TIAM2: variants seen among roughly 807,000 people sequenced by gnomAD.
The protein encoded by TIAM2 is rho guanine nucleotide exchange factor TIAM2.
A neutral mutation model predicts 152.9 loss-of-function variants in TIAM2; 80 were observed. The observed-to-expected ratio is 0.52, with a 90% CI of 0.44 to 0.63. The LOEUF (loss-of-function observed/expected upper bound fraction) is 0.63. Among genes scored for constraint, TIAM2 ranks in the 30% least tolerant of loss-of-function variants. The pLI, the probability that TIAM2 is intolerant of heterozygous loss-of-function variation, is 0.00. For missense variants in TIAM2, 1,965 were observed against 2,120.1 expected, an observed-to-expected ratio of 0.93 and a Z score of 1.44; for synonymous variants, 804 against 838.0, an observed-to-expected ratio of 0.96 and a Z score of 0.70.
intron 2 of TIAM2, among the ~76,000 whole-genome samples, chr6:155,092,426 C>T (rs563438594): frequency 1.3e-5 from 2 of 152,136 alleles, no homozygotes; most frequent in East Asian, 3.9e-4. Context: ...TGATGCTTCA[C>T]TTTCTTCTTA....
intron 1 of TIAM2, among the ~76,000 whole-genome samples, chr6:155,023,235 T>C (rs1184727593): frequency 6.6e-6 from 1 of 152,142 alleles, no homozygotes. Context: ...GAATCTCTGC[T>C]CTAGAAGTTG....
intron 7 of TIAM2, among the ~76,000 whole-genome samples, chr6:155,152,993 C>G (rs544781478): frequency 6.6e-6 from 1 of 152,208 alleles, no homozygotes; most frequent in African/African-American, 2.4e-5. Flanking sequence ...TGAACATAAA[C>G]CCTTACATAA....
chr6:154,997,718 G>A lies in TIAM2; in HGVS notation c.-209+2226G>A, dbSNP rs1019452650. Among the ~76,000 whole-genome samples, 3 of 122,526 alleles carry A rather than the reference G, an allele frequency of 2.4e-5. No homozygotes were observed. The Admixed American group carries it at 3.3e-4, about 13-fold the overall frequency. The allele number at this position is 122,526 out of a possible 152,430, so 80.4% of individuals were successfully genotyped here. ...TGCAGTGATATGATCTCAGCTCACC[G>A]CAGCCTCAGCCTCCCCAGCTCAATT... On this transcript the variant is annotated intron_variant, in intron 1 of 26. Coordinates refer to ENST00000682666, the MANE Select transcript of TIAM2 (RefSeq NM_012454.4).
rs540524431 is a variant in TIAM2 at position 155,047,737 on chromosome 6, G to A, written c.-208-42552G>A. On this transcript the variant is annotated intron_variant, in intron 1 of 26. Coordinates refer to ENST00000682666, the MANE Select transcript of TIAM2 (RefSeq NM_012454.4). Reference sequence around the variant, plus strand: ...AGAGAGAGAGAGAGCGAGAGAGAGAGAGAGAGAGCGAGCGCACAGAAGACT... The same window carrying A: ...AGAGAGAGAGAGAGCGAGAGAGAGAAAGAGAGAGCGAGCGCACAGAAGACT... Among the ~76,000 whole-genome samples the A allele has an allele frequency of 4.6e-3, 565 of 122,136 alleles. 12 individuals are homozygous for A. Among genetic ancestry groups the A allele is most frequent in the African/African-American group, 0.016 (534 of 33,038 alleles). 80.1% of individuals were successfully genotyped at this position (122,136 alleles called of 152,430 possible). A position where few individuals can be genotyped will look rare whatever the true frequency, so the allele number is the denominator to read the frequency against.
At chr6:155,117,050 T>G (rs62427109) in intron 2 of TIAM2, among the ~76,000 whole-genome samples, 1 of 142,614 alleles carries the variant, frequency 7.0e-6, no homozygotes, top group Non-Finnish European at 1.5e-5. Flanking sequence ...ATTTGATATA[T>G]TTAAAAAAAA....
intron 1 of TIAM2, among the ~76,000 whole-genome samples, chr6:155,028,865 C>CAA (rs1776713359): frequency 6.0e-5 from 4 of 66,698 alleles, no homozygotes; most frequent in South Asian, 4.2e-4. Flanking sequence ...ACTGTATATA[C>CAA]TATCTATACT....
At chr6:155,245,181 C>T (rs1783248270) in intron 18 of TIAM2, among the ~76,000 whole-genome samples, 1 of 152,138 alleles carries the variant, frequency 6.6e-6, no homozygotes, top group Non-Finnish European at 1.5e-5. Context: ...GGGCTCAAGC[C>T]CTCTCTTCTA....
intron 2 of TIAM2, among the ~76,000 whole-genome samples, chr6:155,099,220 ATGTGTGTGTGTGTGTGTGTGTG>A (rs34269926): frequency 1.3e-5 from 2 of 148,186 alleles, no homozygotes; most frequent in Non-Finnish European, 3.0e-5. Flanking sequence ...GTATATATAT[ATGTGTGTGTGTGTGTGTGTGTG>A]TGTGTGTGTG....
intron 1 of TIAM2, among the ~76,000 whole-genome samples, chr6:155,077,374 T>A (rs572579804): frequency 6.6e-6 from 1 of 152,214 alleles, no homozygotes; most frequent in Admixed American, 6.5e-5. Flanking sequence ...AATATTACTA[T>A]AGATATTGAA....
chr6:155,114,427 A>G (rs1423558346), intron 2 of TIAM2, among the ~76,000 whole-genome samples: 1 of 152,080 alleles, frequency 6.6e-6, no homozygotes, highest in African/African-American at 2.4e-5. Context: ...AGCTTCAGGA[A>G]GATGCCCCTT....
At chr6:155,054,885 A>T (rs552483841) in intron 1 of TIAM2, among the ~76,000 whole-genome samples, 7 of 152,326 alleles carry the variant, frequency 4.6e-5, no homozygotes, top group Admixed American at 2.6e-4. Context: ...GAAGGCAGGG[A>T]TGCACAGCTT....
intron 1 of TIAM2, among the ~76,000 whole-genome samples, chr6:155,079,781 T>C (rs1311291367): frequency 1.3e-5 from 2 of 152,202 alleles, no homozygotes; most frequent in Non-Finnish European, 2.9e-5. Flanking sequence ...ATCCCATTTC[T>C]ATTAAAAATA....
chr6:155,178,847 T>G (rs1360403874), intron 10 of TIAM2, among the ~76,000 whole-genome samples, 192 bp from the exon 11 acceptor site: 2 of 152,190 alleles, frequency 1.3e-5, no homozygotes, highest in East Asian at 3.8e-4. Flanking sequence ...AGTGCTGGGA[T>G]TACAGGTGTG....
intron 1 of TIAM2, among the ~76,000 whole-genome samples, chr6:155,036,766 C>T (rs1776931939): frequency 6.6e-6 from 1 of 151,596 alleles, no homozygotes. Context: ...TACAGGCATA[C>T]ACCACCACGC....
rs1292806936 is a variant in TIAM2, at chr6:155,256,703, A to C, written c.4688A>C (p.Lys1563Thr). ...GLADFADNLI[K>T]ESDILSDEDD... ...GCAGATTTTGCCGACAATCTCATCA[A>C]AGAGAGTGACATCCTGAGCGATGAA... Residue 1563 changes from lysine (K) to threonine (T), a missense_variant, in exon 27 of 27, where the codon AAA becomes ACA. Lys to Thr is a moderately conservative substitution (Grantham distance 78). Coordinates refer to ENST00000682666, the MANE Select transcript of TIAM2 (RefSeq NM_012454.4). 3 of 1,614,156 alleles carry C rather than the reference A, an allele frequency of 1.9e-6. No individual in the cohort carries two copies. The highest frequency in any genetic ancestry group is 2.5e-6 in the Non-Finnish European group (3 of 1,180,032).
At chr6:155,016,861 C>T (rs1778598755) in intron 1 of TIAM2, among the ~76,000 whole-genome samples, 1 of 152,210 alleles carries the variant, frequency 6.6e-6, no homozygotes, top group Non-Finnish European at 1.5e-5. Context: ...GATCATGCCA[C>T]TGCACTCCAG....
intron 1 of TIAM2, among the ~76,000 whole-genome samples, chr6:155,038,705 G>A (rs1776965689): frequency 6.6e-6 from 1 of 152,144 alleles, no homozygotes; most frequent in South Asian, 2.1e-4. Context: ...GGCCAAGGCA[G>A]GAGAATTGCT....
chr6:155,129,906 C>A lies in TIAM2; in HGVS notation c.683C>A (p.Pro228His). 6.2e-7 allele frequency: 1 copy of A among 1,613,896 alleles called. No individual in the cohort carries two copies. Among genetic ancestry groups the A allele is most frequent in the South Asian group, 1.1e-5 (1 of 91,086 alleles). Residue 228 changes from proline to histidine, a missense_variant, in exon 4 of 27, where the codon CCC (proline) becomes CAC (histidine). Pro to His is a moderately conservative substitution (Grantham distance 77). This residue lies in a region of TIAM2 where 1,025 missense variants were observed against 1,119.4 expected (regional missense o/e 0.92). Transcript: ENST00000682666. This position sits in a 1 kb window ranked among gnomAD's most constrained non-coding sequence, Gnocchi z 4.8. ...GCCGATTCCCTGCCCAGCCATCGCC[C>A]CTCTCCCACGGACTCTCGCCTGCGG... ...SSADSLPSHRPSPTDSRLRSS... is the reference protein window; with the variant it reads ...SSADSLPSHRHSPTDSRLRSS...
At chr6:155,078,812 C>T (rs1236209296) in intron 1 of TIAM2, among the ~76,000 whole-genome samples, 2 of 152,170 alleles carry the variant, frequency 1.3e-5, no homozygotes, top group Non-Finnish European at 2.9e-5. Flanking sequence ...TTTTAAAGTT[C>T]TGAAGTTTGT....
Sources: gnomAD v4.1 joint callset for allele counts (sites outside exome capture counted in the v4.1 genomes callset) on GRCh38, gnomAD v4.1.1 for gene constraint, gnomAD v4.1.1 regional missense constraint, Gnocchi (gnomAD v3.1) non-coding constraint, MANE v1.5 for transcripts, NCBI Gene and HGNC (gene_info 2026-07-23, HGNC 2026-07-21) for gene names.